CAMTA1: variants seen among roughly 807,000 people sequenced by gnomAD.
The protein encoded by CAMTA1 is calmodulin binding transcription activator 1, also known as calmodulin-binding transcription activator 1.
CAMTA1 carries 27 observed loss-of-function variants against 170.9 expected under a neutral mutation model. That is an observed-to-expected ratio of 0.16 (90% CI 0.12 to 0.22). The LOEUF is 0.22. CAMTA1 is among the 10% of genes least tolerant of loss of function. The pLI is 1.00. For synonymous variants in CAMTA1, 833 were observed against 891.5 expected, an observed-to-expected ratio of 0.93 and a Z score of 1.17; for missense variants, 1,619 against 2,217.2, an observed-to-expected ratio of 0.73 and a Z score of 5.42.
At chr1:7,112,428 T>C (rs899603617) in intron 4 of CAMTA1, among the ~76,000 whole-genome samples, 1 of 152,208 alleles carries the variant, frequency 6.6e-6, no homozygotes, top group Non-Finnish European at 1.5e-5. Flanking sequence ...AAGATTGAGA[T>C]GATTTTCCCC....
At chr1:7,726,015 G>A (rs1406554843) in intron 11 of CAMTA1, among the ~76,000 whole-genome samples, 1 of 152,190 alleles carries the variant, frequency 6.6e-6, no homozygotes, top group African/African-American at 2.4e-5. Context: ...GGTCACGCAC[G>A]GAGAGTCTGC....
rs2094975089 is a variant in CAMTA1, at chr1:7,562,709, T to C, written c.511-77691T>C. Among the ~76,000 whole-genome samples, 1 of 152,212 alleles carries C rather than the reference T, an allele frequency of 6.6e-6. No individual in the cohort carries two copies. The highest frequency in any genetic ancestry group is 2.4e-5 in the African/African-American group (1 of 41,454). ...GACCCCGCAGCTGGCACGGAGATGC[T>C]GGGAGAAGGGTCTGATATTTCCCGC... On this transcript the variant is annotated intron_variant, in intron 6 of 22. Coordinates refer to ENST00000303635, the MANE Select transcript of CAMTA1 (RefSeq NM_015215.4). The surrounding 1 kb of genome is among the most constrained non-coding windows in gnomAD (Gnocchi z 4.8).
chr1:7,235,111 C>A (rs12760761), intron 4 of CAMTA1, among the ~76,000 whole-genome samples: 1 of 152,064 alleles, frequency 6.6e-6, no homozygotes, highest in African/African-American at 2.4e-5. Context: ...ATTTCTGACT[C>A]TGAGTTCTGG....
chr1:6,877,640 G>A (rs986444002), intron 3 of CAMTA1, among the ~76,000 whole-genome samples: 20 of 152,150 alleles, frequency 1.3e-4, no homozygotes, highest in African/African-American at 4.3e-4. Flanking sequence ...TCCACTTTCC[G>A]CACACATCTT....
intron 4 of CAMTA1, among the ~76,000 whole-genome samples, chr1:7,198,335 C>T (rs922180140): frequency 2.0e-5 from 3 of 151,928 alleles, no homozygotes; most frequent in African/African-American, 7.3e-5. Context: ...CACTCCCCTA[C>T]CCCCGACCTG....
At chr1:7,425,660 T>G (rs776005078) in intron 5 of CAMTA1, among the ~76,000 whole-genome samples, 12 of 151,774 alleles carry the variant, frequency 7.9e-5, no homozygotes, top group Non-Finnish European at 1.5e-4. Flanking sequence ...ATACTGCCCC[T>G]TCTCTATGAC....
intron 3 of CAMTA1, among the ~76,000 whole-genome samples, chr1:6,954,685 G>A (rs1373982274): frequency 6.6e-6 from 1 of 152,172 alleles, no homozygotes; most frequent in African/African-American, 2.4e-5. Flanking sequence ...GCTCGGGGGA[G>A]CCCGACCCTT....
At chr1:7,242,685 T>A (rs562924662) in intron 4 of CAMTA1, among the ~76,000 whole-genome samples, 26 of 151,980 alleles carry the variant, frequency 1.7e-4, no homozygotes, top group African/African-American at 6.0e-4. Context: ...TCCCAGCACT[T>A]TGGGAGGGTG....
At chr1:7,135,726 T>C (rs1338239801) in intron 4 of CAMTA1, among the ~76,000 whole-genome samples, 3 of 152,178 alleles carry the variant, frequency 2.0e-5, no homozygotes. Context: ...CTCTCCCTCA[T>C]TCCTTGAAGA....
At position 7,299,972 on chromosome 1, in the gene CAMTA1, G is replaced by A. The variant is rs1328528473; in HGVS notation, c.438+50346G>A. 1.3e-5 allele frequency among the ~76,000 whole-genome samples: 2 copies of A among 152,182 alleles called. No individual in the cohort carries two copies. Among genetic ancestry groups the A allele is most frequent in the Admixed American group, 6.5e-5 (1 of 15,290 alleles). On this transcript the variant is annotated intron_variant, in intron 5 of 22. Coordinates refer to ENST00000303635, the MANE Select transcript of CAMTA1 (RefSeq NM_015215.4). The surrounding 1 kb of genome is among the most constrained non-coding windows in gnomAD (Gnocchi z 4.7). The stretch of plus-strand genomic sequence containing the variant: ...CATTGACTTCCTAGCAACCCTGACT[G>A]TGGTCTGATTCCTTTAAGATCCAGA...
chr1:6,842,663 G>T (rs1261929837), intron 3 of CAMTA1, among the ~76,000 whole-genome samples: 3 of 152,190 alleles, frequency 2.0e-5, no homozygotes, highest in African/African-American at 7.2e-5. Flanking sequence ...GCTCATACCT[G>T]TAAATCCCAG....
Position 7,630,471 on chromosome 1 carries a change from C to T in CAMTA1, c.511-9929C>T, listed in dbSNP as rs148030794. ...TGAGCCGGCATGGTTCCCGGAACCC[C>T]GCACCAGGTGGAAATTGTTTAACTA... On this transcript the variant is annotated intron_variant, in intron 6 of 22. Coordinates refer to ENST00000303635, the MANE Select transcript of CAMTA1 (RefSeq NM_015215.4). 3.8e-3 allele frequency among the ~76,000 whole-genome samples: 574 copies of T among 152,316 alleles called. 3 individuals carry two copies. Among genetic ancestry groups the T allele is most frequent in the African/African-American group, 0.012 (510 of 41,556 alleles).
At chr1:7,276,378 C>T (rs549747869) in intron 5 of CAMTA1, among the ~76,000 whole-genome samples, 3 of 143,400 alleles carry the variant, frequency 2.1e-5, no homozygotes, top group South Asian at 4.5e-4. Context: ...GGTGTGACGT[C>T]GCCTCACTGC....
intron 3 of CAMTA1, among the ~76,000 whole-genome samples, chr1:6,910,309 C>T (rs1266893587): frequency 6.6e-6 from 1 of 152,220 alleles, no homozygotes; most frequent in Non-Finnish European, 1.5e-5. Flanking sequence ...AAAGGAGAAG[C>T]TGTAGTCTCA....
intron 6 of CAMTA1, among the ~76,000 whole-genome samples, chr1:7,512,534 T>C (rs2094215870): frequency 6.6e-6 from 1 of 152,202 alleles, no homozygotes. Flanking sequence ...GAGGGGTGGC[T>C]TCAAGTCTAT....
At chr1:7,149,256 G>A (rs796239167) in intron 4 of CAMTA1, among the ~76,000 whole-genome samples, 15 of 152,322 alleles carry the variant, frequency 9.8e-5, no homozygotes, top group African/African-American at 3.4e-4. Context: ...TGAAGGACAG[G>A]GTTTTTGCTT....
chr1:7,396,309 G>C (rs2089301867), intron 5 of CAMTA1, among the ~76,000 whole-genome samples: 1 of 152,160 alleles, frequency 6.6e-6, no homozygotes, highest in Non-Finnish European at 1.5e-5. Flanking sequence ...AAAAGCTTGA[G>C]GCCCTCACTA....
At chr1:7,449,880 C>A in intron 5 of CAMTA1, among the ~76,000 whole-genome samples, 1 of 152,026 alleles carries the variant, frequency 6.6e-6, no homozygotes, top group East Asian at 1.9e-4. Flanking sequence ...ATGAGCCTGA[C>A]TCCTTGCTCC....
At chr1:7,130,960 C>CT (rs1026936946) in intron 4 of CAMTA1, among the ~76,000 whole-genome samples, 2,054 of 144,192 alleles carry the variant, frequency 0.014, 37 homozygotes, top group African/African-American at 0.04. Context: ...CTTTTCTTTT[C>CT]TTTTTTTTTT....
Sources: allele counts gnomAD v4.1 joint callset (sites outside exome capture counted in the v4.1 genomes callset), GRCh38; gene constraint gnomAD v4.1.1; non-coding constraint Gnocchi (gnomAD v3.1); transcripts MANE v1.5; gene names NCBI Gene and HGNC (gene_info 2026-07-23, HGNC 2026-07-21).